HAPSTR1: variants seen among roughly 807,000 people sequenced by gnomAD.
HAPSTR1 encodes the protein HUWE1 associated protein modifying stress responses.
the HAPSTR1 span, among the ~76,000 whole-genome samples, chr16:9,114,469 C>G: frequency 1.3e-5 from 2 of 152,048 alleles, no homozygotes; most frequent in African/African-American, 4.8e-5. Flanking sequence ...AACAGGTGGG[C>G]TCACTCAGGG....
At chr16:9,097,616 C>T in the HAPSTR1 span, among the ~76,000 whole-genome samples, 2 of 152,162 alleles carry the variant, frequency 1.3e-5, no homozygotes, top group Non-Finnish European at 2.9e-5. Context: ...AGCTGTATGG[C>T]CATGTATTGG....
chr16:9,117,155 A>G, the HAPSTR1 span: 2 of 521,956 alleles, frequency 3.8e-6, no homozygotes, highest in East Asian at 6.7e-5. Context: ...CGTTAGCAAG[A>G]TCATCATAGG....
At chr16:9,105,945 G>C in the HAPSTR1 span, 1 of 152,248 alleles carries the variant, frequency 6.6e-6, no homozygotes, top group South Asian at 2.1e-4. Flanking sequence ...ATCAAATACA[G>C]CCCAACCAAA....
At chr16:9,095,948 T>G in the HAPSTR1 span, among the ~76,000 whole-genome samples, 2 of 149,760 alleles carry the variant, frequency 1.3e-5, no homozygotes, top group Non-Finnish European at 3.0e-5. Context: ...GTAGTATCCT[T>G]AGATCAGTAT....
At chr16:9,110,871 C>A in the HAPSTR1 span, 1 of 152,288 alleles carries the variant, frequency 6.6e-6, no homozygotes, top group Non-Finnish European at 1.5e-5. Flanking sequence ...AACCCCGTCT[C>A]TACTAAAAAT....
chr16:9,106,621 T>G, the HAPSTR1 span: 1 of 152,024 alleles, frequency 6.6e-6, no homozygotes, highest in Non-Finnish European at 1.5e-5. Flanking sequence ...CAATTAGTGG[T>G]TAGCAAGGCT....
the HAPSTR1 span, among the ~76,000 whole-genome samples, chr16:9,114,534 C>A: frequency 5.3e-5 from 8 of 152,118 alleles, no homozygotes; most frequent in African/African-American, 1.9e-4. Flanking sequence ...CAGATAGTTG[C>A]AGGCCTCACT....
the HAPSTR1 span, chr16:9,116,641 C>A: frequency 3.7e-6 from 6 of 1,605,654 alleles, no homozygotes. Context: ...AATTGAGCAA[C>A]TCTAAAACCT....
the HAPSTR1 span, chr16:9,104,207 G>C: frequency 6.6e-6 from 1 of 150,876 alleles, no homozygotes; most frequent in East Asian, 1.9e-4. Flanking sequence ...CTCTACCTCT[G>C]GGTTCAAGCG....
chr16:9,118,340 A>G, the HAPSTR1 span: 16 of 152,752 alleles, frequency 1.0e-4, no homozygotes, highest in African/African-American at 3.1e-4. Flanking sequence ...GGGTTTTTCC[A>G]GTAATTACTC....
the HAPSTR1 span, chr16:9,112,734 A>T: frequency 6.6e-6 from 1 of 152,234 alleles, no homozygotes; most frequent in Non-Finnish European, 1.5e-5. Flanking sequence ...GGATTCTTAT[A>T]ACCTGGACTG....
At chr16:9,109,304 G>T in the HAPSTR1 span, 1 of 152,206 alleles carries the variant, frequency 6.6e-6, no homozygotes, top group East Asian at 1.9e-4. Context: ...AATCATGAGG[G>T]TTAGGTGAAA....
the HAPSTR1 span, among the ~76,000 whole-genome samples, chr16:9,114,229 C>A: frequency 6.6e-6 from 1 of 151,910 alleles, no homozygotes; most frequent in South Asian, 2.1e-4. Flanking sequence ...TCTGGGAGGG[C>A]CGTTGAGCTC....
At chr16:9,097,398 T>C in the HAPSTR1 span, among the ~76,000 whole-genome samples, 21 of 151,978 alleles carry the variant, frequency 1.4e-4, no homozygotes, top group Non-Finnish European at 1.9e-4. Context: ...CCCATCACCA[T>C]GCCCAGCTAA....
chr16:9,093,257 A>G, the HAPSTR1 span, among the ~76,000 whole-genome samples: 2 of 152,160 alleles, frequency 1.3e-5, no homozygotes, highest in South Asian at 4.2e-4. Context: ...GTTGTTGGGC[A>G]CCCAGTGTAT....
At chr16:9,102,778 G>A in the HAPSTR1 span, among the ~76,000 whole-genome samples, 5 of 151,862 alleles carry the variant, frequency 3.3e-5, no homozygotes, top group African/African-American at 9.7e-5. Context: ...ACTGTGATAA[G>A]TAAACACTGA....
At chr16:9,116,123 A>G in the HAPSTR1 span, among the ~76,000 whole-genome samples, 3 of 152,188 alleles carry the variant, frequency 2.0e-5, no homozygotes, top group African/African-American at 7.2e-5. Context: ...AAATTTTAAC[A>G]GTGACTCTTT....
chr16:9,113,967 T>A, the HAPSTR1 span, among the ~76,000 whole-genome samples: 1 of 152,082 alleles, frequency 6.6e-6, no homozygotes, highest in African/African-American at 2.4e-5. Flanking sequence ...CATGAGGGGG[T>A]AGGACTTTGA....
the HAPSTR1 span, among the ~76,000 whole-genome samples, chr16:9,095,452 A>G: frequency 1.3e-5 from 2 of 151,898 alleles, no homozygotes; most frequent in Non-Finnish European, 2.9e-5. Context: ...TTAAGGGGGG[A>G]AAAATTTGGT....
Sources: gnomAD v4.1 joint callset for allele counts (sites outside exome capture counted in the v4.1 genomes callset) on GRCh38, gnomAD v4.1.1 for gene constraint, MANE v1.5 for transcripts, NCBI Gene and HGNC (gene_info 2026-07-23, HGNC 2026-07-21) for gene names.